The following CAMKMT variants were observed in gnomAD, a reference collection of about 807,000 sequenced individuals.
CAMKMT encodes calmodulin-lysine N-methyltransferase.
CAMKMT carries 53 observed loss-of-function variants against 48.0 expected under a neutral mutation model. The observed-to-expected ratio is 1.10, with a 90% CI of 0.89 to 1.39. The LOEUF is 1.39. Ranked by LOEUF, CAMKMT falls within the 40% of genes most tolerant of loss-of-function variation. The probability of loss-of-function intolerance (pLI) is 0.00; values close to 1 mark genes in which losing one functional copy is unlikely to be tolerated. For synonymous variants in CAMKMT, 165 were observed against 152.3 expected (o/e 1.08, Z -0.61); for missense variants, 428 against 402.7 (o/e 1.06, Z -0.54).
intron 3 of CAMKMT, among the ~76,000 whole-genome samples, chr2:44,571,981 A>AT (rs564044401): frequency 1.1e-4 from 16 of 152,270 alleles, no homozygotes; most frequent in Non-Finnish European, 2.2e-4. Context: ...ATTTTAAAAT[A>AT]TTTTTTATCA....
At chr2:44,716,257 A>AT (rs201914588) in intron 7 of CAMKMT, among the ~76,000 whole-genome samples, 2 of 151,854 alleles carry the variant, frequency 1.3e-5, no homozygotes, top group East Asian at 1.9e-4. Flanking sequence ...TCCCAGTTTG[A>AT]TTTTTTTTAT....
chr2:44,667,674 A>G (rs1458721753), intron 3 of CAMKMT, among the ~76,000 whole-genome samples: 1 of 152,082 alleles, frequency 6.6e-6, no homozygotes, highest in Non-Finnish European at 1.5e-5. Flanking sequence ...CCCCGCAGTC[A>G]TACCCCAGAC....
intron 3 of CAMKMT, among the ~76,000 whole-genome samples, chr2:44,696,880 A>T (rs1676986421): frequency 6.6e-6 from 1 of 152,192 alleles, no homozygotes; most frequent in Admixed American, 6.5e-5. Flanking sequence ...CAGGAATAGG[A>T]TGCTTATAAA....
At chr2:44,652,240 A>G (rs1334466287) in intron 3 of CAMKMT, among the ~76,000 whole-genome samples, 2 of 152,204 alleles carry the variant, frequency 1.3e-5, no homozygotes, top group Non-Finnish European at 2.9e-5. Flanking sequence ...CAGGTGATCA[A>G]TGTAGTTGAT....
chr2:44,667,754 C>T (rs955326000), intron 3 of CAMKMT, among the ~76,000 whole-genome samples: 38 of 152,210 alleles, frequency 2.5e-4, no homozygotes, highest in African/African-American at 8.2e-4. Context: ...TGATCCCCAA[C>T]TTCTTTTTCT....
At chr2:44,420,675 A>C (rs986996994) in intron 3 of CAMKMT, among the ~76,000 whole-genome samples, 1 of 152,046 alleles carries the variant, frequency 6.6e-6, no homozygotes, top group African/African-American at 2.4e-5. Context: ...CTGCATTATT[A>C]CTAAACCCTA....
intron 3 of CAMKMT, among the ~76,000 whole-genome samples, chr2:44,526,971 T>C (rs1174824538): frequency 1.3e-5 from 2 of 151,918 alleles, no homozygotes; most frequent in African/African-American, 2.4e-5. Context: ...CAACCAGTTT[T>C]AAAACAATTT....
At chr2:44,415,388 C>G (rs1683485787) in intron 3 of CAMKMT, among the ~76,000 whole-genome samples, 1 of 152,184 alleles carries the variant, frequency 6.6e-6, no homozygotes, top group East Asian at 1.9e-4. Flanking sequence ...GACAGCCAGA[C>G]TAGAGGTTAA....
chr2:44,480,205 C>T (rs939695373), intron 3 of CAMKMT, among the ~76,000 whole-genome samples: 2 of 152,042 alleles, frequency 1.3e-5, no homozygotes, highest in Admixed American at 6.5e-5. Context: ...TTCTGTTAGG[C>T]GACACAGAAC....
intron 1 of CAMKMT, among the ~76,000 whole-genome samples, chr2:44,368,584 A>T (rs1339285647): frequency 6.6e-6 from 1 of 152,134 alleles, no homozygotes; most frequent in African/African-American, 2.4e-5. Flanking sequence ...CCCTTCCAGT[A>T]TTATACATGT....
intron 3 of CAMKMT, among the ~76,000 whole-genome samples, chr2:44,650,100 A>G (rs1157938857): frequency 6.6e-6 from 1 of 152,200 alleles, no homozygotes; most frequent in East Asian, 1.9e-4. Flanking sequence ...TAAGTTACCT[A>G]AAACAACAAA....
intron 3 of CAMKMT, among the ~76,000 whole-genome samples, chr2:44,677,154 A>G (rs1259007994): frequency 1.3e-5 from 2 of 152,122 alleles, no homozygotes; most frequent in African/African-American, 4.8e-5. Context: ...ATTGAGCCCA[A>G]CCTCATTTTT....
At chr2:44,641,065 G>C (rs1451329829) in intron 3 of CAMKMT, among the ~76,000 whole-genome samples, 1 of 152,122 alleles carries the variant, frequency 6.6e-6, no homozygotes, top group Non-Finnish European at 1.5e-5. Context: ...AACACACAGA[G>C]TGATTTTTTA....
rs188553670 is a variant in CAMKMT at position 44,380,533 on chromosome 2, G to C, written c.311+7645G>C. On this transcript the variant is annotated intron_variant, in intron 2 of 10. Transcript: ENST00000378494. ...CTAGACAAGAGCTTGTAGACTTGACGCTTGAATAAAGTAGATGACTCAGTG... is the reference window on the plus strand; with the variant it reads ...CTAGACAAGAGCTTGTAGACTTGACCCTTGAATAAAGTAGATGACTCAGTG... Among the ~76,000 whole-genome samples, 96 of 152,004 alleles carry C rather than the reference G, an allele frequency of 6.3e-4. 2 individuals carry two copies. The highest frequency in any genetic ancestry group is 6.3e-3 in the Admixed American group (96 of 15,258).
intron 2 of CAMKMT, among the ~76,000 whole-genome samples, chr2:44,389,390 C>A (rs979960648): frequency 6.6e-6 from 1 of 152,032 alleles, no homozygotes; most frequent in Non-Finnish European, 1.5e-5. Flanking sequence ...CACTTCAGTC[C>A]GTAATTCTAT....
intron 3 of CAMKMT, among the ~76,000 whole-genome samples, chr2:44,700,955 T>C (rs1022167374): frequency 6.6e-6 from 1 of 152,216 alleles, no homozygotes; most frequent in Non-Finnish European, 1.5e-5. Context: ...GTCCCATCTA[T>C]GTTGTAGCAT....
Position 44,657,587 on chromosome 2 carries a change from G to A in CAMKMT, c.377-46696G>A, listed in dbSNP as rs72867787. 0.017 allele frequency among the ~76,000 whole-genome samples: 2,511 copies of A among 152,088 alleles called. 38 individuals are homozygous for A. Among genetic ancestry groups the A allele is most frequent in the African/African-American group, 0.052 (2,145 of 41,476 alleles). On this transcript the variant is annotated intron_variant, in intron 3 of 10. Transcript: ENST00000378494. This position sits in a 1 kb window ranked among gnomAD's most constrained non-coding sequence, Gnocchi z 4.3. ...AATAGATGGACATAGAACTTTTTTCGGAACAATTCATGTCCCTGACTACAA... is the reference window on the plus strand; with the variant it reads ...AATAGATGGACATAGAACTTTTTTCAGAACAATTCATGTCCCTGACTACAA...
intron 3 of CAMKMT, among the ~76,000 whole-genome samples, chr2:44,630,961 G>A (rs936443583): frequency 7.9e-5 from 12 of 151,662 alleles, no homozygotes; most frequent in African/African-American, 1.5e-4. Flanking sequence ...TGTTTATTGC[G>A]GCACTATTCA....
chr2:44,707,568 T>C (rs1677634187), intron 6 of CAMKMT, 106 bp downstream of exon 6: 1 of 857,940 alleles, frequency 1.2e-6, no homozygotes, highest in Non-Finnish European at 1.8e-6. Context: ...AAAGAGAGTT[T>C]CCCCCCTACA....
Sources: allele counts gnomAD v4.1 joint callset (sites outside exome capture counted in the v4.1 genomes callset), GRCh38; gene constraint gnomAD v4.1.1; non-coding constraint Gnocchi (gnomAD v3.1); transcripts MANE v1.5; gene names NCBI Gene and HGNC (gene_info 2026-07-23, HGNC 2026-07-21).